Variants in ESS2 observed in about 807,000 individuals in gnomAD.
ESS2 encodes splicing factor ESS-2 homolog.
A neutral mutation model predicts 52.0 loss-of-function variants in ESS2; 31 were observed. The observed-to-expected ratio is 0.60, with a 90% CI of 0.45 to 0.81. The LOEUF is 0.81. Among genes scored for constraint, ESS2 ranks in the 30% least tolerant of loss-of-function variants. The probability of loss-of-function intolerance (pLI) is 0.00; values close to 1 mark genes in which losing one functional copy is unlikely to be tolerated. For synonymous variants in ESS2, 285 were observed against 259.2 expected, an observed-to-expected ratio of 1.10 and a Z score of -0.95; for missense variants, 602 against 637.2, an observed-to-expected ratio of 0.94 and a Z score of 0.59.
rs985948638 is a variant in ESS2 at position 19,130,536 on chromosome 22, G to A, written c.*3660C>T. 6.1e-5 allele frequency: 26 copies of A among 425,502 alleles called. No homozygotes were observed. Among genetic ancestry groups the A allele is most frequent in the African/African-American group, 1.0e-4 (5 of 48,524 alleles). 26.4% of individuals were successfully genotyped at this position (425,502 alleles called of 1,614,324 possible). A position where few individuals can be genotyped will look rare whatever the true frequency, so the allele number is the denominator to read the frequency against. ...TTCAAGGCCTGTCTACTGTGGTACC[G>A]GAGTGATTATTTCGATTGTATCTCC... On this transcript the variant is annotated 3_prime_UTR_variant, in exon 10 of 10. Coordinates refer to ENST00000252137, the MANE Select transcript of ESS2 (RefSeq NM_022719.3).
intron 3 of ESS2, among the ~76,000 whole-genome samples, 194 bp from the exon 4 acceptor site, chr22:19,140,218 G>A (rs912663153): frequency 1.3e-5 from 2 of 152,204 alleles, no homozygotes; most frequent in African/African-American, 4.8e-5. Flanking sequence ...TGACTGCCCA[G>A]AGAGCCCTCA....
At chr22:19,143,566 T>C (rs928102900) in intron 1 of ESS2, among the ~76,000 whole-genome samples, 6 of 152,172 alleles carry the variant, frequency 3.9e-5, no homozygotes, top group Admixed American at 2.6e-4. Context: ...AATCTAAACC[T>C]TTCTCCTGGC....
chr22:19,134,182 GC>G lies in ESS2; in HGVS notation c.*13del. 1 of 1,505,792 alleles carries G rather than the reference GC, an allele frequency of 6.6e-7. No individual in the cohort carries two copies. Among genetic ancestry groups the G allele is most frequent in the Non-Finnish European group, 8.9e-7 (1 of 1,126,536 alleles). 93.3% of individuals were successfully genotyped at this position (1,505,792 alleles called of 1,614,324 possible). On this transcript the variant is annotated 3_prime_UTR_variant, in exon 10 of 10. Coordinates refer to ENST00000252137, the MANE Select transcript of ESS2 (RefSeq NM_022719.3). ...GCTCTGTGAAGCGTCTATGAGCCCAGCCCAGGCCTGGCTCTAAAAGAAGTCC... is the reference window on the plus strand; with the variant it reads ...GCTCTGTGAAGCGTCTATGAGCCCAGCCAGGCCTGGCTCTAAAAGAAGTCC...
At chr22:19,137,113 T>G (rs767680216) in intron 8 of ESS2, among the ~76,000 whole-genome samples, 1 of 152,134 alleles carries the variant, frequency 6.6e-6, no homozygotes, top group Non-Finnish European at 1.5e-5. Context: ...ACTCCCTGCC[T>G]TGGTGTCTCA....
chr22:19,137,984 C>A, intron 7 of ESS2: 1 of 985,432 alleles, frequency 1.0e-6, no homozygotes, highest in Non-Finnish European at 1.2e-6. Context: ...GACACGTCAT[C>A]CCAGGATGTC....
At position 19,136,031 on chromosome 22, in the gene ESS2, T is replaced by TAAA. The variant is rs377121962; in HGVS notation, c.1036-859_1036-857dup. Among the ~76,000 whole-genome samples the TAAA allele has an allele frequency of 7.2e-3, 669 of 92,500 alleles. 8 individuals are homozygous for TAAA. The highest frequency in any genetic ancestry group is 9.9e-3 in the Non-Finnish European group (482 of 48,796). The allele number at this position is 92,500 out of a possible 152,430, so 60.7% of individuals were successfully genotyped here. On this transcript the variant is annotated intron_variant, in intron 8 of 9. Transcript: ENST00000252137. ...GGCAACAGAGTGAAACCCTATCTGT[T>TAAA]AAAAAAAAAAAAAAAAAAAAAAAAG...
chr22:19,143,310 A>G (rs1040317186), intron 1 of ESS2, among the ~76,000 whole-genome samples: 15 of 152,188 alleles, frequency 9.9e-5, no homozygotes, highest in South Asian at 4.1e-4. Flanking sequence ...ACCTCCTTCA[A>G]ATTCTACTTC....
chr22:19,139,737 C>T lies in ESS2; in HGVS notation c.571-8G>A. The T allele has an allele frequency of 6.2e-7, 1 of 1,614,190 alleles. No individual in the cohort carries two copies. ...GAGATTATCTTTCTGCCTCTGCAATCACATGGGGAAAAGTGATGGTCAGAG... is the reference window on the plus strand; with the variant it reads ...GAGATTATCTTTCTGCCTCTGCAATTACATGGGGAAAAGTGATGGTCAGAG... On this transcript the variant is annotated splice_region_variant and splice_polypyrimidine_tract_variant and intron_variant, in intron 4 of 9. Transcript: ENST00000252137.
rs1475610027 is a variant in ESS2 at position 19,132,730 on chromosome 22, T to C, written c.*1466A>G. On this transcript the variant is annotated 3_prime_UTR_variant, in exon 10 of 10. Transcript: ENST00000252137. This position sits in a 1 kb window ranked among gnomAD's most constrained non-coding sequence, Gnocchi z 4.2. ...AAGAGTGCCCAGTGAGGAGTGTTTT[T>C]CTCTGGGACTCAGCCAACCGCCCCA... The C allele has an allele frequency of 6.3e-6, 3 of 478,432 alleles. No individual in the cohort carries two copies. Among genetic ancestry groups the C allele is most frequent in the Non-Finnish European group, 7.5e-6 (2 of 267,684 alleles). The allele number at this position is 478,432 out of a possible 1,614,324, so 29.6% of individuals were successfully genotyped here.
rs1724005459 is a variant in ESS2, at chr22:19,131,087, C to T, written c.*3109G>A. On this transcript the variant is annotated 3_prime_UTR_variant, in exon 10 of 10. Transcript: ENST00000252137. This position sits in a 1 kb window ranked among gnomAD's most constrained non-coding sequence, Gnocchi z 5.7. ...GGAAACCAATGCAGCAGCAGCAGGGCCACCAGAGTCCTGTCCTGGGGACAG... is the reference window on the plus strand; with the variant it reads ...GGAAACCAATGCAGCAGCAGCAGGGTCACCAGAGTCCTGTCCTGGGGACAG... 3.2e-6 allele frequency: 1 copy of T among 314,930 alleles called. No homozygotes were observed. Among genetic ancestry groups the T allele is most frequent in the Admixed American group, 4.7e-5 (1 of 21,500 alleles). 19.5% of individuals were successfully genotyped at this position (314,930 alleles called of 1,614,324 possible).
intron 3 of ESS2, among the ~76,000 whole-genome samples, chr22:19,140,927 A>G (rs961383795): frequency 6.6e-6 from 1 of 152,190 alleles, no homozygotes; most frequent in African/African-American, 2.4e-5. Context: ...GATGGTTCCT[A>G]CCACTTAGGT....
In ESS2 at chr22:19,131,377, C is replaced by T. The variant is rs374595544; in HGVS notation, c.*2819G>A. 47 of 1,542,084 alleles carry T rather than the reference C, an allele frequency of 3.0e-5. No homozygotes were observed. Among genetic ancestry groups the T allele is most frequent in the African/African-American group, 8.2e-5 (6 of 72,968 alleles). ...CATGACGGGGGGATGTAGACGGCAGCGGCGCCAGTCGCTCCTGGCACCATG... is the reference window on the plus strand; with the variant it reads ...CATGACGGGGGGATGTAGACGGCAGTGGCGCCAGTCGCTCCTGGCACCATG... On this transcript the variant is annotated 3_prime_UTR_variant, in exon 10 of 10. Coordinates refer to ENST00000252137, the MANE Select transcript of ESS2 (RefSeq NM_022719.3). The surrounding 1 kb of genome is among the most constrained non-coding windows in gnomAD (Gnocchi z 5.7).
At position 19,131,496 on chromosome 22, in the gene ESS2, C is replaced by A; in HGVS notation, c.*2700G>T. 2 of 1,614,150 alleles carry A rather than the reference C, an allele frequency of 1.2e-6. No homozygotes were observed. Among genetic ancestry groups the A allele is most frequent in the Non-Finnish European group, 1.7e-6 (2 of 1,180,022 alleles). ...AAAAGTCAAATCTGCCTACTCTGAG[C>A]GCCTCAAGTTCAATGTGGCTGTCAA... On this transcript the variant is annotated 3_prime_UTR_variant, in exon 10 of 10. Transcript: ENST00000252137. The surrounding 1 kb of genome is among the most constrained non-coding windows in gnomAD (Gnocchi z 5.7).
intron 1 of ESS2, chr22:19,144,245 C>G: frequency 7.9e-7 from 1 of 1,267,454 alleles, no homozygotes; most frequent in Non-Finnish European, 1.0e-6. Context: ...CCTACTCACA[C>G]TTTAACAGAA....
At chr22:19,138,620 C>A in intron 6 of ESS2, 1 of 550,858 alleles carries the variant, frequency 1.8e-6, no homozygotes, top group Non-Finnish European at 3.3e-6. Context: ...GATGCTGACG[C>A]CAGGCCCCTG....
rs556534805 is a variant in ESS2, at chr22:19,131,084, G to A, written c.*3112C>T. The A allele has an allele frequency of 6.1e-5, 19 of 309,092 alleles. No individual in the cohort carries two copies. Among genetic ancestry groups the A allele is most frequent in the Admixed American group, 6.1e-4 (13 of 21,414 alleles). 19.1% of individuals were successfully genotyped at this position (309,092 alleles called of 1,614,324 possible). A position where few individuals can be genotyped will look rare whatever the true frequency, so the allele number is the denominator to read the frequency against. ...CAGGGAAACCAATGCAGCAGCAGCA[G>A]GGCCACCAGAGTCCTGTCCTGGGGA... On this transcript the variant is annotated 3_prime_UTR_variant, in exon 10 of 10. Transcript: ENST00000252137. This position sits in a 1 kb window ranked among gnomAD's most constrained non-coding sequence, Gnocchi z 5.7.
chr22:19,139,061 G>A (rs550727394), intron 6 of ESS2, 98 bp downstream of exon 6: 24 of 1,461,900 alleles, frequency 1.6e-5, no homozygotes, highest in African/African-American at 8.5e-5. Flanking sequence ...TCCACTCACT[G>A]AGCTCTGCCA....
In ESS2 at chr22:19,134,085, C is replaced by T; in HGVS notation, c.*111G>A. On this transcript the variant is annotated 3_prime_UTR_variant, in exon 10 of 10. Coordinates refer to ENST00000252137, the MANE Select transcript of ESS2 (RefSeq NM_022719.3). ...TTTCTCCAGTGACTCCTGGTATGGT[C>T]AACAGCTTCTGGCCCAGGCCTGGGC... 1 of 1,293,920 alleles carries T rather than the reference C, an allele frequency of 7.7e-7. No homozygotes were observed. Among genetic ancestry groups the T allele is most frequent in the Non-Finnish European group, 1.0e-6 (1 of 1,001,250 alleles). 80.2% of individuals were successfully genotyped at this position (1,293,920 alleles called of 1,614,324 possible). A position where few individuals can be genotyped will look rare whatever the true frequency, so the allele number is the denominator to read the frequency against.
At chr22:19,142,274 C>G (rs1191607658) in intron 3 of ESS2, among the ~76,000 whole-genome samples, 4 of 152,242 alleles carry the variant, frequency 2.6e-5, no homozygotes, top group African/African-American at 9.6e-5. Context: ...ATGAAGCCCA[C>G]AGGGCAGGGC....
Sources: gnomAD v4.1 joint callset for allele counts (sites outside exome capture counted in the v4.1 genomes callset) on GRCh38, gnomAD v4.1.1 for gene constraint, Gnocchi (gnomAD v3.1) non-coding constraint, MANE v1.5 for transcripts, NCBI Gene and HGNC (gene_info 2026-07-23, HGNC 2026-07-21) for gene names.